SHE: variants seen among roughly 807,000 people sequenced by gnomAD.
SHE encodes SH2 domain-containing adapter protein E.
SHE carries 11 observed loss-of-function variants against 49.8 expected under a neutral mutation model. The ratio of observed to expected loss-of-function variants is 0.22; its 90% CI spans 0.14 to 0.37. The LOEUF (loss-of-function observed/expected upper bound fraction) is 0.37, where lower values mean the gene tolerates loss of function less well. SHE is among the 10% of genes least tolerant of loss of function. The pLI, the probability that SHE is intolerant of heterozygous loss-of-function variation, is 1.00. For synonymous variants in SHE, 310 were observed against 278.1 expected (o/e 1.11, Z -1.14); for missense variants, 624 against 655.5 (o/e 0.95, Z 0.52).
intron 2 of SHE, among the ~76,000 whole-genome samples, chr1:154,497,089 G>T (rs564199364): frequency 2.0e-4 from 31 of 152,230 alleles, no homozygotes; most frequent in African/African-American, 7.5e-4. Context: ...ACAGTCCAGT[G>T]ACCTTCAGGG....
At position 154,483,150 on chromosome 1, in the gene SHE, T is replaced by C. The variant is rs1470058640; in HGVS notation, c.*999A>G. On this transcript the variant is annotated 3_prime_UTR_variant, in exon 6 of 6. Coordinates refer to ENST00000304760, the MANE Select transcript of SHE (RefSeq NM_001010846.3). ...ATAATGATGCCAATGCCTAATGATATTGGTGATTCTTAAACCTGGGGTATC... is the reference window on the plus strand; with the variant it reads ...ATAATGATGCCAATGCCTAATGATACTGGTGATTCTTAAACCTGGGGTATC... 9.1e-6 allele frequency: 9 copies of C among 985,228 alleles called. No individual in the cohort carries two copies. The highest frequency in any genetic ancestry group is 5.2e-5 in the African/African-American group (3 of 57,232). The allele number at this position is 985,228 out of a possible 1,614,324, so 61.0% of individuals were successfully genotyped here.
rs1692018136 is a variant in SHE, at chr1:154,481,528, T to C, written c.*2621A>G. ...CTGTTTTCAAGATGTTATTTCATTA[T>C]ACATTCATCACAGTTGCTGGGTATG... On this transcript the variant is annotated 3_prime_UTR_variant, in exon 6 of 6. Transcript: ENST00000304760. 3.0e-6 allele frequency: 3 copies of C among 985,448 alleles called. No homozygotes were observed. The highest frequency in any genetic ancestry group is 3.6e-6 in the Non-Finnish European group (3 of 829,938). The allele number at this position is 985,448 out of a possible 1,614,324, so 61.0% of individuals were successfully genotyped here.
intron 5 of SHE, 95 bp downstream of exon 5, chr1:154,485,848 G>A (rs1692160782): frequency 6.7e-7 from 1 of 1,492,424 alleles, no homozygotes; most frequent in Non-Finnish European, 9.2e-7. Context: ...GCACACCCCT[G>A]TGAAACACCT....
exon 2 of SHE, chr1:154,470,321 G>T: frequency 1.2e-5 from 16 of 1,289,082 alleles, no homozygotes; most frequent in Non-Finnish European, 1.5e-5. Context: ...ACATGGTTAC[G>T]GTGCTCTTTC....
Position 154,483,521 on chromosome 1 carries a change from C to T in SHE, c.*628G>A. Reference sequence around the variant, plus strand: ...TTCCAGGTAACAAGTAGGCACATTTCTAGAGAACTCTGATGCTCCTGAACT... The same window carrying T: ...TTCCAGGTAACAAGTAGGCACATTTTTAGAGAACTCTGATGCTCCTGAACT... On this transcript the variant is annotated 3_prime_UTR_variant, in exon 6 of 6. Coordinates refer to ENST00000304760, the MANE Select transcript of SHE (RefSeq NM_001010846.3). 1 of 985,402 alleles carries T rather than the reference C, an allele frequency of 1.0e-6. No homozygotes were observed. Among genetic ancestry groups the T allele is most frequent in the Non-Finnish European group, 1.2e-6 (1 of 829,946 alleles). The allele number at this position is 985,402 out of a possible 1,614,324, so 61.0% of individuals were successfully genotyped here. A position where few individuals can be genotyped will look rare whatever the true frequency, so the allele number is the denominator to read the frequency against.
rs1028075090 is a variant in SHE at position 154,482,548 on chromosome 1, T to C, written c.*1601A>G. On this transcript the variant is annotated 3_prime_UTR_variant, in exon 6 of 6. Coordinates refer to ENST00000304760, the MANE Select transcript of SHE (RefSeq NM_001010846.3). ...TATTTATAAGCTACAAAGGTTAACT[T>C]TTCATTGATGACAGTCAGTACATTT... 1 of 985,350 alleles carries C rather than the reference T, an allele frequency of 1.0e-6. No individual in the cohort carries two copies. Among genetic ancestry groups the C allele is most frequent in the African/African-American group, 1.7e-5 (1 of 57,238 alleles). The allele number at this position is 985,350 out of a possible 1,614,324, so 61.0% of individuals were successfully genotyped here. A position where few individuals can be genotyped will look rare whatever the true frequency, so the allele number is the denominator to read the frequency against.
rs558609120 is a variant in SHE at position 154,500,759 on chromosome 1, C to G, written c.591+677G>C. On this transcript the variant is annotated intron_variant, in intron 1 of 5. Coordinates refer to ENST00000304760, the MANE Select transcript of SHE (RefSeq NM_001010846.3). ...CCTCCAGTGTGTCCGTCGCAGGAAA[C>G]ACCCTCTCTTCTCATCTGTAATTTC... 2.0e-5 allele frequency among the ~76,000 whole-genome samples: 3 copies of G among 152,342 alleles called. No individual in the cohort carries two copies. The South Asian group carries it at 6.2e-4, about 32-fold the overall frequency.
intron 3 of SHE, among the ~76,000 whole-genome samples, chr1:154,488,109 T>C (rs1314946863): frequency 6.6e-6 from 1 of 150,756 alleles, no homozygotes; most frequent in African/African-American, 2.4e-5. Context: ...CACCCAGGTA[T>C]TTTTTGTATT....
downstream of SHE, among the ~76,000 whole-genome samples, chr1:154,477,123 C>G (rs1691895335): frequency 6.6e-6 from 1 of 152,148 alleles, no homozygotes; most frequent in Non-Finnish European, 1.5e-5. Context: ...GCTGCCTAGG[C>G]CCATGGACAC....
chr1:154,480,130 T>C lies in SHE; in HGVS notation c.*4019A>G, dbSNP rs1455925269. On this transcript the variant is annotated 3_prime_UTR_variant, in exon 6 of 6. Transcript: ENST00000304760. ...GTCCACGTTAGTGGGGCACAAAAATTGGAAATGAGAATACAGAAGAGTGAT... is the reference window on the plus strand; with the variant it reads ...GTCCACGTTAGTGGGGCACAAAAATCGGAAATGAGAATACAGAAGAGTGAT... The C allele has an allele frequency of 1.0e-6, 1 of 985,230 alleles. No individual in the cohort carries two copies. The highest frequency in any genetic ancestry group is 1.2e-6 in the Non-Finnish European group (1 of 829,944). The allele number at this position is 985,230 out of a possible 1,614,324, so 61.0% of individuals were successfully genotyped here.
rs531810950 is a variant in SHE at position 154,494,098 on chromosome 1, G to T, written c.719-4742C>A. Among the ~76,000 whole-genome samples, 3 of 152,152 alleles carry T rather than the reference G, an allele frequency of 2.0e-5. No individual in the cohort carries two copies. The South Asian group carries it at 6.2e-4, about 32-fold the overall frequency. ...TCATGTTTCCAAAACATTAAACTTG[G>T]AGCCTCTTAAGACTCTATTTTCCTC... On this transcript the variant is annotated intron_variant, in intron 2 of 5. Transcript: ENST00000304760.
chr1:154,498,421 A>T (rs868036712), intron 2 of SHE, among the ~76,000 whole-genome samples: 19 of 124,648 alleles, frequency 1.5e-4, no homozygotes, highest in African/African-American at 5.9e-4. Flanking sequence ...TTTTTGAGAC[A>T]GGGTCTTGCT....
Position 154,502,135 on chromosome 1 carries a change from G to T in SHE, c.-109C>A. 1.1e-6 allele frequency: 1 copy of T among 915,546 alleles called. No individual in the cohort carries two copies. 56.7% of individuals were successfully genotyped at this position (915,546 alleles called of 1,614,324 possible). A position where few individuals can be genotyped will look rare whatever the true frequency, so the allele number is the denominator to read the frequency against. ...CGGCAGGGTGGGGTTCTCACGGCTC[G>T]GGGCGCCGAGCGGGCGGGCGCTAGC... On this transcript the variant is annotated 5_prime_UTR_variant, in exon 1 of 6. Coordinates refer to ENST00000304760, the MANE Select transcript of SHE (RefSeq NM_001010846.3).
At chr1:154,485,766 T>C (rs1285494316) in intron 5 of SHE, 177 bp downstream of exon 5, 5 of 606,542 alleles carry the variant, frequency 8.2e-6, no homozygotes, top group Non-Finnish European at 1.4e-5. Context: ...ATTTACCCAA[T>C]ACCAATTTTG....
intron 2 of SHE, among the ~76,000 whole-genome samples, chr1:154,489,802 T>C (rs981705934): frequency 6.6e-6 from 1 of 152,206 alleles, no homozygotes; most frequent in African/African-American, 2.4e-5. Context: ...AAGTCAAAAA[T>C]GCACTTAATA....
chr1:154,499,163 C>T lies in SHE; in HGVS notation c.667G>A (p.Gly223Arg), dbSNP rs186384189. ...GGTTCCATGTAACCGTCGTTCTCTC[C>T]GACTCTCTCTGCATCCCTTTGACCC... is the stretch of plus-strand genomic sequence containing the variant. ...TKGQRDAERV[G>R]ENDGYMEPYD... is the part of the protein sequence containing the mutation. The change falls in exon 2 of 6, where the codon GGA becomes AGA. Residue 223 changes from glycine to arginine, a missense_variant. Coordinates refer to ENST00000304760, the MANE Select transcript of SHE (RefSeq NM_001010846.3). The T allele has an allele frequency of 8.9e-5, 144 of 1,614,132 alleles. No homozygotes were observed. The highest frequency in any genetic ancestry group is 1.2e-4 in the Non-Finnish European group (139 of 1,180,012).
chr1:154,501,939 G>C lies in SHE; in HGVS notation c.88C>G (p.Arg30Gly), dbSNP rs768431472. The C allele has an allele frequency of 6.8e-7, 1 of 1,462,836 alleles. No homozygotes were observed. 90.6% of individuals were successfully genotyped at this position (1,462,836 alleles called of 1,614,324 possible). ...ACSTAPTLLG[R>G]AGRGPLMAAK... ...GCCATGAGGGGGCCCCGGCCGGCTCGGCCCAGGAGCGTCGGGGCCGTGGAG... is the reference window on the plus strand; with the variant it reads ...GCCATGAGGGGGCCCCGGCCGGCTCCGCCCAGGAGCGTCGGGGCCGTGGAG... The change falls in exon 1 of 6, where the codon CGA becomes GGA. Residue 30 changes from arginine to glycine, a missense_variant. This residue lies in a region of SHE where 337 missense variants were observed against 306.0 expected (regional missense o/e 1.10). Transcript: ENST00000304760.
Position 154,481,204 on chromosome 1 carries a change from T to G in SHE, c.*2945A>C. On this transcript the variant is annotated 3_prime_UTR_variant, in exon 6 of 6. Coordinates refer to ENST00000304760, the MANE Select transcript of SHE (RefSeq NM_001010846.3). ...GCTGGGCCTAATTGTTTTTAGAACA[T>G]ATGGAACTTTGTGCCACCACACAGC... The G allele has an allele frequency of 1.0e-6, 1 of 985,444 alleles. No homozygotes were observed. The highest frequency in any genetic ancestry group is 1.2e-6 in the Non-Finnish European group (1 of 829,926). 61.0% of individuals were successfully genotyped at this position (985,444 alleles called of 1,614,324 possible).
intron 2 of SHE, among the ~76,000 whole-genome samples, chr1:154,490,706 A>G (rs1236582125): frequency 6.6e-6 from 1 of 152,224 alleles, no homozygotes; most frequent in Admixed American, 6.5e-5. Flanking sequence ...CTGGAAGCAT[A>G]GGCAAGCCAG....
Sources: gnomAD v4.1 joint callset for allele counts (sites outside exome capture counted in the v4.1 genomes callset) on GRCh38, gnomAD v4.1.1 for gene constraint, gnomAD v4.1.1 regional missense constraint, MANE v1.5 for transcripts, NCBI Gene and HGNC (gene_info 2026-07-23, HGNC 2026-07-21) for gene names.